NAA11: variants seen among roughly 807,000 people sequenced by gnomAD.
NAA11 encodes N-alpha-acetyltransferase 11, NatA catalytic subunit.
In NAA11, 15 loss-of-function variants were observed where a neutral mutation model predicts 16.1. The observed-to-expected ratio is 0.93, with a 90% confidence interval of 0.62 to 1.44. The LOEUF is 1.44. Among genes scored for constraint, NAA11 ranks in the 40% most tolerant of loss-of-function variants. NAA11 has a pLI of 0.00. For missense variants in NAA11, 298 were observed against 291.3 expected, an observed-to-expected ratio of 1.02 and a Z score of -0.17; for synonymous variants, 122 against 112.4, an observed-to-expected ratio of 1.09 and a Z score of -0.54.
intron 1 of NAA11, among the ~76,000 whole-genome samples, chr4:79,310,499 T>C (rs571170207): frequency 6.6e-6 from 1 of 152,294 alleles, no homozygotes; most frequent in African/African-American, 2.4e-5. Flanking sequence ...GGAAGAAAAA[T>C]GCAGAAAAGA....
At chr4:79,189,535 T>C in the NAA11 span, among the ~76,000 whole-genome samples, 1 of 152,166 alleles carries the variant, frequency 6.6e-6, no homozygotes, top group Non-Finnish European at 1.5e-5. Context: ...GGCCTTTTCA[T>C]GTTTCCTGAG....
At position 79,270,007 on chromosome 4, in the gene NAA11, C is replaced by T. The variant is rs1306565802; in HGVS notation, c.*122+23998G>A. ...TTTCTCAGGTTTGTCAAAGATCAGA[C>T]AGTTGTAGGTATGCGGCGTTATTTC... On this transcript the variant is annotated intron_variant and NMD_transcript_variant, in intron 2 of 2. Coordinates refer to the NAA11 transcript ENST00000511542. Among the ~76,000 whole-genome samples the T allele has an allele frequency of 2.6e-5, 4 of 151,478 alleles. No homozygotes were observed. In the East Asian group the frequency reaches 7.8e-4, roughly 29 times the overall value.
the NAA11 span, among the ~76,000 whole-genome samples, chr4:79,173,123 T>A: frequency 2.0e-5 from 3 of 152,182 alleles, no homozygotes; most frequent in Non-Finnish European, 4.4e-5. Flanking sequence ...GAAGATAGTT[T>A]CTGCTAATAG....
At chr4:79,298,788 C>T (rs1723303451) in intron 1 of NAA11, among the ~76,000 whole-genome samples, 1 of 152,230 alleles carries the variant, frequency 6.6e-6, no homozygotes, top group South Asian at 2.1e-4. Flanking sequence ...CCAGTGGGCC[C>T]AAGCAAAACT....
the NAA11 span, among the ~76,000 whole-genome samples, chr4:79,212,894 AC>A: frequency 6.6e-6 from 1 of 152,088 alleles, no homozygotes; most frequent in Admixed American, 6.6e-5. Context: ...ATAAAGAAGG[AC>A]TACTGTATTA....
chr4:79,191,990 G>A, the NAA11 span, among the ~76,000 whole-genome samples: 1 of 152,102 alleles, frequency 6.6e-6, no homozygotes, highest in Non-Finnish European at 1.5e-5. Context: ...TTAGATGATT[G>A]TAGATGTGTG....
the NAA11 span, among the ~76,000 whole-genome samples, chr4:79,189,146 A>AAAAAAAAAAAAAAAAC: frequency 1.6e-5 from 1 of 64,072 alleles, no homozygotes; most frequent in African/African-American, 1.1e-4. Context: ...ACTCCATCTC[A>AAAAAAAAAAAAAAAAC]AAAAAAAAAA....
chr4:79,209,929 C>A, the NAA11 span, among the ~76,000 whole-genome samples: 3 of 152,140 alleles, frequency 2.0e-5, no homozygotes, highest in East Asian at 5.8e-4. Context: ...ACCTGTAATT[C>A]CAGCTATTTG....
intron 2 of NAA11, among the ~76,000 whole-genome samples, chr4:79,230,038 A>G (rs1035216752): frequency 6.6e-6 from 1 of 152,052 alleles, no homozygotes; most frequent in African/African-American, 2.4e-5. Context: ...AATTTCATCT[A>G]TGTCCCTACA....
exon 3 of NAA11, chr4:79,226,212 A>T (rs1721307760): frequency 6.6e-6 from 1 of 151,988 alleles, no homozygotes; most frequent in Non-Finnish European, 1.5e-5. Flanking sequence ...CAGGTTCTCC[A>T]TCCTGTTGTT....
At position 79,245,786 on chromosome 4, in the gene NAA11, C is replaced by T. The variant is rs191282663; in HGVS notation, c.*123-19516G>A. On this transcript the variant is annotated intron_variant and NMD_transcript_variant, in intron 2 of 2. Transcript: ENST00000511542. Reference sequence around the variant, plus strand: ...AGGTAGGGGGGCGCCTCCGCCCAGCCGCCCGTCTGGGGGGTGAGGGGCCCC... The same window carrying T: ...AGGTAGGGGGGCGCCTCCGCCCAGCTGCCCGTCTGGGGGGTGAGGGGCCCC... Among the ~76,000 whole-genome samples the T allele has an allele frequency of 4.2e-4, 63 of 150,348 alleles. No individual in the cohort carries two copies. The East Asian group carries it at 8.6e-3, about 20-fold the overall frequency.
At chr4:79,177,404 C>CAA in the NAA11 span, among the ~76,000 whole-genome samples, 970 of 147,626 alleles carry the variant, frequency 6.6e-3, 7 homozygotes, top group African/African-American at 0.023. Flanking sequence ...TTTGACTTAT[C>CAA]AAAAAAAAAA....
rs575126029 is a variant in NAA11 at position 79,260,603 on chromosome 4, TCTGCTG to T, written c.*122+33396_*122+33401del. 1.6e-4 allele frequency among the ~76,000 whole-genome samples: 24 copies of T among 152,356 alleles called. No individual in the cohort carries two copies. The East Asian group carries it at 4.4e-3, about 28-fold the overall frequency. Reference sequence around the variant, plus strand: ...GGATTGTAGCCAGCTGATTTCCATCTCTGCTGAACACTGATTGAAACTAACCTGAAC... The same window carrying T: ...GGATTGTAGCCAGCTGATTTCCATCTAACACTGATTGAAACTAACCTGAAC... On this transcript the variant is annotated intron_variant and NMD_transcript_variant, in intron 2 of 2. Coordinates refer to the NAA11 transcript ENST00000511542.
chr4:79,290,469 A>G (rs1425050799), intron 2 of NAA11, among the ~76,000 whole-genome samples: 1 of 152,096 alleles, frequency 6.6e-6, no homozygotes, highest in Non-Finnish European at 1.5e-5. Flanking sequence ...TCTCTCTCTC[A>G]TCAGCAGGCT....
At chr4:79,315,120 G>C (rs1012771514), downstream of NAA11, among the ~76,000 whole-genome samples, 1 of 151,880 alleles carries the variant, frequency 6.6e-6, no homozygotes, top group Admixed American at 6.6e-5. Flanking sequence ...GTCAAAGTGT[G>C]GTTCCGGGAC....
intron 2 of NAA11, among the ~76,000 whole-genome samples, chr4:79,285,447 A>G (rs954641650): frequency 5.3e-5 from 8 of 152,138 alleles, no homozygotes; most frequent in Non-Finnish European, 8.8e-5. Flanking sequence ...CTAAGCTGCA[A>G]TACCTAAATA....
At chr4:79,262,745 T>C (rs890232274) in intron 2 of NAA11, among the ~76,000 whole-genome samples, 1 of 152,186 alleles carries the variant, frequency 6.6e-6, no homozygotes, top group South Asian at 2.1e-4. Flanking sequence ...TTTTTGTTGA[T>C]AGAAGCCAAA....
At position 79,303,072 on chromosome 4, in the gene NAA11, CCTTTTATATATATA is replaced by C. The variant is rs1278873993; in HGVS notation, c.*13-8972_*13-8959del. Among the ~76,000 whole-genome samples, 470 of 89,056 alleles carry C rather than the reference CCTTTTATATATATA, an allele frequency of 5.3e-3. 10 individuals carry two copies. Among genetic ancestry groups the C allele is most frequent in the African/African-American group, 0.021 (452 of 21,992 alleles). 58.4% of individuals were successfully genotyped at this position (89,056 alleles called of 152,430 possible). A position where few individuals can be genotyped will look rare whatever the true frequency, so the allele number is the denominator to read the frequency against. ...CCTTTTCATTCCTGTTCTCTTGAGG[CCTTTTATATATATA>C]TATATATATATATATATATATATAT... On this transcript the variant is annotated intron_variant and NMD_transcript_variant, in intron 1 of 2. Coordinates refer to the NAA11 transcript ENST00000511542.
chr4:79,314,641 T>TAAAAAAAAAAAAAAAAAAAAAA (rs375245497), downstream of NAA11, among the ~76,000 whole-genome samples: 37 of 98,034 alleles, frequency 3.8e-4, 1 homozygote, highest in African/African-American at 8.2e-4. Flanking sequence ...TCCTTAAAAT[T>TAAAAAAAAAAAAAAAAAAAAAA]AAAAAAAAAA....
Sources: gnomAD v4.1 joint callset for allele counts (sites outside exome capture counted in the v4.1 genomes callset) on GRCh38, gnomAD v4.1.1 for gene constraint, MANE v1.5 for transcripts, NCBI Gene and HGNC (gene_info 2026-07-23, HGNC 2026-07-21) for gene names.